KCNH1: variants seen among roughly 807,000 people sequenced by gnomAD.
KCNH1 encodes the protein potassium voltage-gated channel subfamily H member 1, also known as voltage-gated delayed rectifier potassium channel KCNH1.
In KCNH1, 27 loss-of-function variants were observed where a neutral mutation model predicts 69.2. The observed-to-expected ratio is 0.39, with a 90% CI of 0.29 to 0.54. The LOEUF (loss-of-function observed/expected upper bound fraction) is 0.54, where lower values mean the gene tolerates loss of function less well. KCNH1 is among the 20% of genes least tolerant of loss of function. The pLI, the probability that KCNH1 is intolerant of heterozygous loss-of-function variation, is 0.68. For missense variants in KCNH1, 798 were observed against 1,261.6 expected (o/e 0.63, Z 5.57); for synonymous variants, 456 against 487.7 (o/e 0.93, Z 0.86).
chr1:211,018,824 C>T lies in KCNH1; in HGVS notation c.991G>A (p.Ala331Thr), dbSNP rs140418257. The change falls in exon 6 of 11, where the codon GCT becomes ACT. Residue 331 changes from alanine (A) to threonine (T), a missense_variant. By Grantham distance (58) the Ala-to-Thr change is moderately conservative. Around this residue, in one of 4 missense-constraint regions of KCNH1, gnomAD observed 266 missense variants for 457.2 expected, o/e 0.58. Transcript: ENST00000271751. The stretch of plus-strand genomic sequence containing the variant: ...TCCAGTGGTGGTGGAATCTGATCAG[C>T]AAAACCAATCTTCCCTGGATCACCC... ...FMGDPGKIGF[A>T]DQIPPPLEGR... 4 of 1,613,004 alleles carry T rather than the reference C, an allele frequency of 2.5e-6. No homozygotes were observed. The African/African-American group carries it at 4.0e-5, about 16-fold the overall frequency.
At chr1:211,117,349 T>C (rs1240605216) in intron 1 of KCNH1, among the ~76,000 whole-genome samples, 1 of 152,156 alleles carries the variant, frequency 6.6e-6, no homozygotes, top group Non-Finnish European at 1.5e-5. Context: ...TGCATCTGGG[T>C]GGCCTATGAT....
At chr1:210,704,056 A>G (rs1452546116) in intron 10 of KCNH1, among the ~76,000 whole-genome samples, 1 of 152,168 alleles carries the variant, frequency 6.6e-6, no homozygotes, top group Non-Finnish European at 1.5e-5. Context: ...TAAGAAAACA[A>G]TGCCAGGGCA....
chr1:211,107,209 A>C, intron 2 of KCNH1, 45 bp downstream of exon 2: 1 of 1,603,896 alleles, frequency 6.2e-7, no homozygotes, highest in Non-Finnish European at 8.5e-7. Context: ...TTTCCAAAAG[A>C]TACCATAATA....
chr1:210,881,259 T>C (rs1686488748), intron 7 of KCNH1, among the ~76,000 whole-genome samples: 1 of 152,180 alleles, frequency 6.6e-6, no homozygotes, highest in South Asian at 2.1e-4. Flanking sequence ...CACCTTGGCT[T>C]CCCAAAGTGC....
intron 7 of KCNH1, chr1:210,860,616 A>G (rs1435160631): frequency 1.2e-6 from 1 of 808,504 alleles, no homozygotes; most frequent in Non-Finnish European, 2.2e-6. Context: ...TAAGGTCATC[A>G]TTTTCTGTTT....
Position 211,107,315 on chromosome 1 carries a change from C to T in KCNH1, c.142G>A (p.Gly48Arg), listed in dbSNP as rs576529197. Residue 48 changes from glycine (G) to arginine (R), a missense_variant, in exon 2 of 11, where the codon GGA becomes AGA. By Grantham distance (125) the Gly-to-Arg change is moderately radical. This residue lies in a region of KCNH1 where 266 missense variants were observed against 457.2 expected (regional missense o/e 0.58). Transcript: ENST00000271751. ...TGATAGCCAGACAGCTTGCAAAATCCATCATTGCTGTACACAATAGGCCAG... is the reference window on the plus strand; with the variant it reads ...TGATAGCCAGACAGCTTGCAAAATCTATCATTGCTGTACACAATAGGCCAG... ...VDWPIVYSND[G>R]FCKLSGYHRA... The T allele has an allele frequency of 1.2e-6, 2 of 1,613,518 alleles. No individual in the cohort carries two copies. Among genetic ancestry groups the T allele is most frequent in the East Asian group, 4.5e-5 (2 of 44,862 alleles).
At chr1:210,949,649 T>C (rs1056789185) in intron 6 of KCNH1, among the ~76,000 whole-genome samples, 8 of 152,186 alleles carry the variant, frequency 5.3e-5, no homozygotes, top group African/African-American at 1.7e-4. Flanking sequence ...ATAAATGCAA[T>C]GAATCGGTTG....
At chr1:210,757,725 C>T (rs754475430) in intron 10 of KCNH1, among the ~76,000 whole-genome samples, 3 of 152,248 alleles carry the variant, frequency 2.0e-5, no homozygotes, top group South Asian at 4.1e-4. Flanking sequence ...TGCCAAATAG[C>T]CACTTGTCAG....
chr1:210,709,713 G>T (rs1574197740), intron 10 of KCNH1, among the ~76,000 whole-genome samples: 1 of 141,332 alleles, frequency 7.1e-6, no homozygotes, highest in African/African-American at 2.7e-5. Context: ...GAAAGAGAAA[G>T]AAAGAAAGAA....
At chr1:210,903,199 C>A (rs1350734813) in intron 7 of KCNH1, among the ~76,000 whole-genome samples, 1 of 152,180 alleles carries the variant, frequency 6.6e-6, no homozygotes, top group Non-Finnish European at 1.5e-5. Flanking sequence ...CTTCTACCCA[C>A]TTCTTCCTTT....
rs576968256 is a variant in KCNH1 at position 210,867,377 on chromosome 1, A to G, written c.1462+52263T>C. ...CACACACACACATATATATATATATATGTGTCCAAAGCAAATTCATATTAA... is the reference window on the plus strand; with the variant it reads ...CACACACACACATATATATATATATGTGTGTCCAAAGCAAATTCATATTAA... On this transcript the variant is annotated intron_variant, in intron 7 of 10. Transcript: ENST00000271751. Among the ~76,000 whole-genome samples the G allele has an allele frequency of 2.8e-3, 425 of 150,174 alleles. 5 individuals carry two copies. Among genetic ancestry groups the G allele is most frequent in the African/African-American group, 9.7e-3 (397 of 40,824 alleles).
At chr1:210,825,358 C>T (rs77103604) in intron 7 of KCNH1, among the ~76,000 whole-genome samples, 5,789 of 152,148 alleles carry the variant, frequency 0.038, 362 homozygotes, top group African/African-American at 0.13. Flanking sequence ...TGGGATTTCA[C>T]AAATTAATAA....
At chr1:211,128,502 C>T (rs188141966) in intron 1 of KCNH1, among the ~76,000 whole-genome samples, 140 of 151,930 alleles carry the variant, frequency 9.2e-4, no homozygotes, top group African/African-American at 2.4e-3. Context: ...AGAAAGTGAT[C>T]ACCATAAAAT....
At chr1:211,029,437 T>C (rs1689743296) in intron 5 of KCNH1, among the ~76,000 whole-genome samples, 1 of 138,194 alleles carries the variant, frequency 7.2e-6, no homozygotes, top group Admixed American at 7.6e-5. Flanking sequence ...ATTAACAGGC[T>C]AATGAAAAAA....
intron 7 of KCNH1, among the ~76,000 whole-genome samples, chr1:210,866,490 T>C (rs1049286828): frequency 2.0e-5 from 3 of 152,092 alleles, no homozygotes; most frequent in African/African-American, 7.2e-5. Flanking sequence ...GATATAGAAA[T>C]GGCCAATAAG....
intron 6 of KCNH1, among the ~76,000 whole-genome samples, chr1:210,934,834 G>A (rs1687746903): frequency 6.6e-6 from 1 of 151,694 alleles, no homozygotes; most frequent in Admixed American, 6.6e-5. Flanking sequence ...CACTATTGGT[G>A]TACAAGATAA....
intron 1 of KCNH1, chr1:211,132,794 G>C (rs1392106038): frequency 6.6e-6 from 1 of 152,174 alleles, no homozygotes. Flanking sequence ...TTCTGGAAGG[G>C]GTGGGGTGGG....
intron 7 of KCNH1, among the ~76,000 whole-genome samples, chr1:210,882,297 G>T (rs182209429): frequency 6.6e-6 from 1 of 152,272 alleles, no homozygotes; most frequent in Non-Finnish European, 1.5e-5. Context: ...CACCAAGCAG[G>T]TAAGCAATAT....
At chr1:211,028,729 A>T (rs143586973) in intron 5 of KCNH1, among the ~76,000 whole-genome samples, 1,835 of 152,280 alleles carry the variant, frequency 0.012, 15 homozygotes, top group Middle Eastern at 0.034. Flanking sequence ...AAACTACCAC[A>T]CCAATAGCCA....
Sources: allele counts gnomAD v4.1 joint callset (sites outside exome capture counted in the v4.1 genomes callset), GRCh38; gene constraint gnomAD v4.1.1; regional missense constraint gnomAD v4.1.1; transcripts MANE v1.5; gene names NCBI Gene and HGNC (gene_info 2026-07-23, HGNC 2026-07-21).